Variants in GABRG3 observed in about 807,000 individuals in gnomAD.
GABRG3 encodes gamma-aminobutyric acid receptor subunit gamma-3.
GABRG3 carries 25 observed loss-of-function variants against 48.8 expected under a neutral mutation model. The observed-to-expected ratio is 0.51, with a 90% CI of 0.37 to 0.72. GABRG3 has a LOEUF of 0.72. Ranked by LOEUF, GABRG3 falls within the 30% of genes least tolerant of loss-of-function variation. The pLI is 0.00. For missense variants in GABRG3, 394 were observed against 577.9 expected (o/e 0.68, Z 3.26); for synonymous variants, 227 against 217.6 (o/e 1.04, Z -0.38).
chr15:27,168,742 G>A (rs149363503), intron 3 of GABRG3, among the ~76,000 whole-genome samples: 75 of 152,342 alleles, frequency 4.9e-4, no homozygotes, highest in Non-Finnish European at 9.1e-4. Flanking sequence ...GAACCAGGAA[G>A]TGGGCCCTCA....
At chr15:27,475,365 A>G (rs1889906570) in intron 5 of GABRG3, among the ~76,000 whole-genome samples, 1 of 152,208 alleles carries the variant, frequency 6.6e-6, no homozygotes. Context: ...GAGACTTACC[A>G]TATAGAAAGC....
intron 3 of GABRG3, among the ~76,000 whole-genome samples, chr15:27,130,980 A>G (rs546920331): frequency 6.6e-6 from 1 of 152,080 alleles, no homozygotes; most frequent in South Asian, 2.1e-4. Context: ...CACGTCTGTG[A>G]AAAGAGATAA....
chr15:27,371,167 A>G (rs74874734), intron 5 of GABRG3, among the ~76,000 whole-genome samples: 1 of 152,136 alleles, frequency 6.6e-6, no homozygotes, highest in East Asian at 1.9e-4. Context: ...GAAAAAAAAA[A>G]GGTATGCTGT....
At chr15:27,000,392 C>A (rs960426918) in intron 2 of GABRG3, among the ~76,000 whole-genome samples, 1 of 152,146 alleles carries the variant, frequency 6.6e-6, no homozygotes, top group Admixed American at 6.6e-5. Context: ...TAATTACTCC[C>A]CACTACTGAG....
chr15:27,259,008 C>T (rs1056525331), intron 3 of GABRG3, among the ~76,000 whole-genome samples: 4 of 152,166 alleles, frequency 2.6e-5, no homozygotes, highest in Middle Eastern at 3.4e-3. Flanking sequence ...TGGTATTTAT[C>T]TGAGCCTGAC....
At chr15:27,302,874 T>G (rs1163884968) in intron 3 of GABRG3, among the ~76,000 whole-genome samples, 1 of 151,868 alleles carries the variant, frequency 6.6e-6, no homozygotes, top group East Asian at 1.9e-4. Flanking sequence ...CCTTTAAATA[T>G]GCCGTGGACC....
chr15:27,254,885 A>G (rs1190088271), intron 3 of GABRG3, among the ~76,000 whole-genome samples: 1 of 93,068 alleles, frequency 1.1e-5, no homozygotes, highest in Non-Finnish European at 2.7e-5. Flanking sequence ...AGAGAGAGAC[A>G]GACACAGACA....
At chr15:27,470,255 T>TG (rs34277682) in intron 5 of GABRG3, among the ~76,000 whole-genome samples, 10 of 151,822 alleles carry the variant, frequency 6.6e-5, no homozygotes, top group African/African-American at 2.4e-4. Flanking sequence ...TTTTTTTTTT[T>TG]CTTGAGGCGG....
At chr15:27,270,637 A>C (rs78791256) in intron 3 of GABRG3, among the ~76,000 whole-genome samples, 2,546 of 152,288 alleles carry the variant, frequency 0.017, 78 homozygotes, top group African/African-American at 0.058. Context: ...AGTTACAGTT[A>C]GAAGGAATAA....
At chr15:27,315,764 ATAAT>A (rs1893191819) in intron 3 of GABRG3, among the ~76,000 whole-genome samples, 1 of 152,234 alleles carries the variant, frequency 6.6e-6, no homozygotes, top group Non-Finnish European at 1.5e-5. Context: ...CACTTTGCAA[ATAAT>A]TAAAATGTTC....
chr15:27,223,342 G>A (rs1889509873), intron 3 of GABRG3, among the ~76,000 whole-genome samples: 1 of 152,214 alleles, frequency 6.6e-6, no homozygotes, highest in African/African-American at 2.4e-5. Flanking sequence ...GCTGAGACAA[G>A]TATTGCCAGG....
At chr15:27,432,628 A>G (rs1298227880) in intron 5 of GABRG3, among the ~76,000 whole-genome samples, 1 of 152,160 alleles carries the variant, frequency 6.6e-6, no homozygotes, top group Non-Finnish European at 1.5e-5. Flanking sequence ...GTTTTTCCAG[A>G]ACACATTTTT....
At chr15:27,474,196 A>C (rs562089344) in intron 5 of GABRG3, among the ~76,000 whole-genome samples, 106 of 152,326 alleles carry the variant, frequency 7.0e-4, no homozygotes, top group African/African-American at 2.4e-3. Flanking sequence ...TTCTTCAAAA[A>C]TTTGGTGACA....
chr15:27,441,298 A>G (rs1351974241), intron 5 of GABRG3, among the ~76,000 whole-genome samples: 1 of 152,146 alleles, frequency 6.6e-6, no homozygotes, highest in Non-Finnish European at 1.5e-5. Context: ...CAGGGAATAT[A>G]TTGTGTCATC....
chr15:27,213,216 G>A (rs1889129328), intron 3 of GABRG3, among the ~76,000 whole-genome samples: 1 of 152,254 alleles, frequency 6.6e-6, no homozygotes, highest in African/African-American at 2.4e-5. Flanking sequence ...TGTGGGACAA[G>A]AGACAACTAG....
intron 3 of GABRG3, among the ~76,000 whole-genome samples, chr15:27,176,823 G>A (rs893961605): frequency 1.3e-5 from 2 of 152,264 alleles, no homozygotes; most frequent in African/African-American, 4.8e-5. Flanking sequence ...TGAGGGAGCT[G>A]GGGATGGGCA....
At chr15:27,316,325 T>A (rs1264041848) in intron 3 of GABRG3, among the ~76,000 whole-genome samples, 2 of 146,548 alleles carry the variant, frequency 1.4e-5, no homozygotes, top group South Asian at 2.1e-4. Flanking sequence ...GAGGCAGAGC[T>A]TGCAGTGAGC....
intron 3 of GABRG3, among the ~76,000 whole-genome samples, chr15:27,250,288 C>T (rs76628401): frequency 0.053 from 8,092 of 152,266 alleles, 719 homozygotes; most frequent in African/African-American, 0.18. Flanking sequence ...TGCTGTCCAG[C>T]GCCACATGCT....
intron 2 of GABRG3, among the ~76,000 whole-genome samples, chr15:27,018,642 A>C (rs1895822847): frequency 6.6e-6 from 1 of 152,158 alleles, no homozygotes; most frequent in African/African-American, 2.4e-5. Flanking sequence ...TTAGCTGTAA[A>C]CCTTATATTT....
Sources: allele counts gnomAD v4.1 joint callset (sites outside exome capture counted in the v4.1 genomes callset), GRCh38; gene constraint gnomAD v4.1.1; transcripts MANE v1.5; gene names NCBI Gene and HGNC (gene_info 2026-07-23, HGNC 2026-07-21).